ABCC9: variants seen among roughly 807,000 people sequenced by gnomAD.
The protein encoded by ABCC9 is ATP binding cassette subfamily C member 9.
ABCC9 carries 95 observed loss-of-function variants against 188.3 expected under a neutral mutation model. That is an observed-to-expected ratio of 0.50 (90% CI 0.43 to 0.60). The LOEUF is 0.60. Among genes scored for constraint, ABCC9 ranks in the 20% least tolerant of loss-of-function variants. The pLI is 0.00. For synonymous variants in ABCC9, 659 were observed against 652.7 expected (o/e 1.01, Z -0.15); for missense variants, 1,102 against 1,876.3 (o/e 0.59, Z 7.62).
At chr12:21,882,669 T>G in intron 16 of ABCC9, 97 bp downstream of exon 16, 1 of 1,135,094 alleles carries the variant, frequency 8.8e-7, no homozygotes, top group Non-Finnish European at 1.3e-6. Flanking sequence ...GTAAAAACAA[T>G]TTAAAGGCAC....
At chr12:21,895,455 C>T in intron 12 of ABCC9, 140 bp from the exon 13 acceptor site, 1 of 726,916 alleles carries the variant, frequency 1.4e-6, no homozygotes, top group South Asian at 1.7e-5. Context: ...CTGGAGTCCA[C>T]AAACATTTAC....
intron 27 of ABCC9, 95 bp from the exon 28 acceptor site, chr12:21,844,647 C>G: frequency 6.5e-7 from 1 of 1,540,842 alleles, no homozygotes; most frequent in Non-Finnish European, 9.0e-7. Context: ...AAATGAGAAG[C>G]TCCCTATTCA....
chr12:21,815,748 G>A lies in ABCC9; in HGVS notation c.4023+15C>T, dbSNP rs780795027. 2.5e-5 allele frequency: 40 copies of A among 1,611,298 alleles called. No individual in the cohort carries two copies. Among genetic ancestry groups the A allele is most frequent in the Middle Eastern group, 1.7e-4 (1 of 6,058 alleles). The stretch of plus-strand genomic sequence containing the variant: ...GTTTTATGTATACAACATATCAAAT[G>A]CAGTGATTTCATACCTTTTGTCCAG... On this transcript the variant is annotated intron_variant, in intron 34 of 39. Coordinates refer to ENST00000261200, the MANE Select transcript of ABCC9 (RefSeq NM_020297.4).
chr12:21,892,182 G>A (rs1947189682), intron 14 of ABCC9, among the ~76,000 whole-genome samples: 1 of 152,038 alleles, frequency 6.6e-6, no homozygotes, highest in South Asian at 2.1e-4. Context: ...AAATATACAG[G>A]GATATCCATC....
At chr12:21,806,769 A>C (rs1941877453) in intron 38 of ABCC9, among the ~76,000 whole-genome samples, 1 of 152,214 alleles carries the variant, frequency 6.6e-6, no homozygotes, top group African/African-American at 2.4e-5. Context: ...TTTGTGATTT[A>C]ATGAAACATT....
At chr12:21,847,055 A>G (rs1944707664) in intron 25 of ABCC9, among the ~76,000 whole-genome samples, 1 of 152,038 alleles carries the variant, frequency 6.6e-6, no homozygotes, top group Non-Finnish European at 1.5e-5. Flanking sequence ...TTCTGATAGG[A>G]CCTGCAGCAA....
intron 18 of ABCC9, among the ~76,000 whole-genome samples, chr12:21,867,272 A>G (rs1945828301): frequency 6.6e-6 from 1 of 152,242 alleles, no homozygotes; most frequent in South Asian, 2.1e-4. Context: ...AAGGTTATAT[A>G]ATTTCTCTTC....
At chr12:21,926,187 TAGTTTCCAAGATAATACATA>T in intron 4 of ABCC9, 124 bp from the exon 5 acceptor site, 1 of 1,330,054 alleles carries the variant, frequency 7.5e-7, no homozygotes, top group South Asian at 1.2e-5. Flanking sequence ...AATGCAATAG[TAGTTTCCAAGATAATACATA>T]AGGGAAGAAT....
chr12:21,858,122 C>T (rs1945323233), intron 22 of ABCC9, among the ~76,000 whole-genome samples: 1 of 152,128 alleles, frequency 6.6e-6, no homozygotes, highest in Non-Finnish European at 1.5e-5. Context: ...GTTGGAGTCA[C>T]TAAATCATAG....
At chr12:21,898,873 A>G (rs997926836) in intron 12 of ABCC9, among the ~76,000 whole-genome samples, 1 of 152,190 alleles carries the variant, frequency 6.6e-6, no homozygotes, top group African/African-American at 2.4e-5. Context: ...ATTTTTGAAA[A>G]TATATTGGAA....
At chr12:21,841,044 C>T (rs1447344982) in intron 29 of ABCC9, among the ~76,000 whole-genome samples, 1 of 152,196 alleles carries the variant, frequency 6.6e-6, no homozygotes, top group Non-Finnish European at 1.5e-5. Flanking sequence ...GTTTTATCTT[C>T]CTTAGAGACT....
At chr12:21,816,890 G>A (rs1168520939) in intron 33 of ABCC9, among the ~76,000 whole-genome samples, 1 of 152,130 alleles carries the variant, frequency 6.6e-6, no homozygotes, top group Non-Finnish European at 1.5e-5. Flanking sequence ...AACGTCTTGA[G>A]AAAGGGAATA....
intron 24 of ABCC9, among the ~76,000 whole-genome samples, chr12:21,850,044 T>A (rs1944880890): frequency 6.6e-6 from 1 of 151,860 alleles, no homozygotes; most frequent in South Asian, 2.1e-4. Context: ...ACTTGCTTGA[T>A]CTGTTCTGGC....
intron 12 of ABCC9, among the ~76,000 whole-genome samples, chr12:21,901,225 A>G (rs1761415658): frequency 6.6e-6 from 1 of 152,202 alleles, no homozygotes; most frequent in South Asian, 2.1e-4. Flanking sequence ...GTGAAGGAGA[A>G]ATAAAATACT....
intron 31 of ABCC9, among the ~76,000 whole-genome samples, chr12:21,822,727 G>C (rs991349905): frequency 3.4e-5 from 5 of 148,000 alleles, no homozygotes; most frequent in Non-Finnish European, 7.4e-5. Context: ...GGAGGCAGAG[G>C]TTGCAGTAAG....
intron 39 of ABCC9, chr12:21,805,033 G>A: frequency 7.9e-7 from 1 of 1,270,774 alleles, no homozygotes; most frequent in East Asian, 2.4e-5. Context: ...TGGTTGAGCT[G>A]ATTTTGTAAT....
chr12:21,846,169 A>G lies in ABCC9; in HGVS notation c.2867-337T>C, dbSNP rs1944661156. Among the ~76,000 whole-genome samples the G allele has an allele frequency of 3.3e-5, 5 of 152,326 alleles. No individual in the cohort carries two copies. In the South Asian group the frequency reaches 6.2e-4, roughly 19 times the overall value. ...ACATACCTGGCTTACAAACATCTACAATATTGTGACCTGCAAATTTCTGAA... is the reference window on the plus strand; with the variant it reads ...ACATACCTGGCTTACAAACATCTACGATATTGTGACCTGCAAATTTCTGAA... On this transcript the variant is annotated intron_variant, in intron 25 of 39. Coordinates refer to ENST00000261200, the MANE Select transcript of ABCC9 (RefSeq NM_020297.4).
At chr12:21,850,118 G>C (rs1389827897) in intron 24 of ABCC9, among the ~76,000 whole-genome samples, 2 of 151,050 alleles carry the variant, frequency 1.3e-5, no homozygotes, top group Non-Finnish European at 2.9e-5. Context: ...CACTGTTGCA[G>C]GGTCTGCCCT....
At chr12:21,836,628 AT>A (rs908447841) in intron 30 of ABCC9, among the ~76,000 whole-genome samples, 1 of 151,802 alleles carries the variant, frequency 6.6e-6, no homozygotes, top group African/African-American at 2.4e-5. Context: ...CTGTGTTGCT[AT>A]TTTTTTTCTT....
Sources: gnomAD v4.1 joint callset for allele counts (sites outside exome capture counted in the v4.1 genomes callset) on GRCh38, gnomAD v4.1.1 for gene constraint, MANE v1.5 for transcripts, NCBI Gene and HGNC (gene_info 2026-07-23, HGNC 2026-07-21) for gene names.